MPP7: variants seen among roughly 807,000 people sequenced by gnomAD.
MPP7 encodes the protein MAGUK p55 scaffold protein 7.
In MPP7, 60 loss-of-function variants were observed where a neutral mutation model predicts 76.5. The ratio of observed to expected loss-of-function variants is 0.78; its 90% CI spans 0.64 to 0.97. The LOEUF is 0.97. Among genes scored for constraint, MPP7 ranks in the 50% least tolerant of loss-of-function variants. MPP7 has a pLI of 0.00. For synonymous variants in MPP7, 237 were observed against 244.5 expected (o/e 0.97, Z 0.29); for missense variants, 641 against 694.0 (o/e 0.92, Z 0.86).
chr10:28,054,426 T>C (rs1851473673), intron 16 of MPP7, among the ~76,000 whole-genome samples, 182 bp from the exon 17 acceptor site: 2 of 152,216 alleles, frequency 1.3e-5, no homozygotes. Context: ...TTTCTAATAC[T>C]ATTTCTATGA....
At chr10:28,091,409 TC>T (rs1818479764) in intron 11 of MPP7, among the ~76,000 whole-genome samples, 2 of 151,922 alleles carry the variant, frequency 1.3e-5, no homozygotes, top group South Asian at 4.2e-4. Context: ...TGCCTCAGCT[TC>T]CCGAGTAGCT....
At position 28,296,375 on chromosome 10, in the gene MPP7, TC is replaced by T. The variant is rs150644602; in HGVS notation, c.-132+6485del. On this transcript the variant is annotated intron_variant, in intron 1 of 16. Coordinates refer to ENST00000683449, the MANE Select transcript of MPP7 (RefSeq NM_001318170.2). ...AAGAAACAATTTACTATTGCTCTCC[TC>T]CCCACCCACAGTTCAGTGCAACTGA... 5.8e-3 allele frequency among the ~76,000 whole-genome samples: 883 copies of T among 152,186 alleles called. 16 individuals are homozygous for T. The highest frequency in any genetic ancestry group is 0.02 in the African/African-American group (824 of 41,516).
intron 13 of MPP7, among the ~76,000 whole-genome samples, chr10:28,062,577 CA>C (rs1308184469): frequency 1.3e-4 from 16 of 124,108 alleles, no homozygotes; most frequent in Admixed American, 2.6e-4. Context: ...CACACACACA[CA>C]CACCAAAGGT....
At chr10:28,086,796 T>G (rs1452173602) in intron 12 of MPP7, among the ~76,000 whole-genome samples, 2 of 152,010 alleles carry the variant, frequency 1.3e-5, no homozygotes, top group Non-Finnish European at 2.9e-5. Context: ...ATCCACTATA[T>G]CGGGGAAAGC....
chr10:28,286,355 T>A (rs11006984), intron 1 of MPP7, among the ~76,000 whole-genome samples: 14 of 112,246 alleles, frequency 1.2e-4, no homozygotes, highest in East Asian at 1.4e-3. Context: ...CAAAAAAAAA[T>A]AATAATAAAA....
intron 3 of MPP7, among the ~76,000 whole-genome samples, chr10:28,169,889 C>G (rs144670599): frequency 1.3e-3 from 194 of 152,254 alleles, no homozygotes; most frequent in African/African-American, 4.4e-3. Context: ...AGTTTTGTTT[C>G]TTTCTTTCTA....
At chr10:28,272,785 G>A (rs749884665) in intron 1 of MPP7, among the ~76,000 whole-genome samples, 11 of 152,076 alleles carry the variant, frequency 7.2e-5, no homozygotes, top group Non-Finnish European at 1.5e-4. Flanking sequence ...ACTGATGCCT[G>A]GAGATGTTGG....
At chr10:28,242,709 A>C (rs1216692082) in intron 1 of MPP7, among the ~76,000 whole-genome samples, 1 of 152,202 alleles carries the variant, frequency 6.6e-6, no homozygotes, top group South Asian at 2.1e-4. Context: ...CCAATGGTGA[A>C]AAGCAATGGT....
chr10:28,289,905 G>A (rs1473726302), intron 1 of MPP7, among the ~76,000 whole-genome samples: 2 of 152,130 alleles, frequency 1.3e-5, no homozygotes, highest in African/African-American at 2.4e-5. Flanking sequence ...TGCAACCTCC[G>A]CCTCCCTGGC....
chr10:28,257,573 T>C (rs1839823670), intron 1 of MPP7, among the ~76,000 whole-genome samples: 1 of 117,498 alleles, frequency 8.5e-6, no homozygotes, highest in East Asian at 2.6e-4. Flanking sequence ...GGAAGGGGAA[T>C]ATCACACTCT....
chr10:28,060,058 T>A (rs1851716839), intron 13 of MPP7, among the ~76,000 whole-genome samples: 1 of 152,130 alleles, frequency 6.6e-6, no homozygotes, highest in Non-Finnish European at 1.5e-5. Context: ...ACCTTTTTTT[T>A]TTTTTTGCAA....
chr10:28,211,887 T>C (rs927102226), intron 2 of MPP7, among the ~76,000 whole-genome samples: 5 of 152,046 alleles, frequency 3.3e-5, no homozygotes, highest in Non-Finnish European at 4.4e-5. Flanking sequence ...AGCTTCACTT[T>C]TACTTTAGAG....
chr10:28,294,284 G>C (rs763677914), intron 1 of MPP7, among the ~76,000 whole-genome samples: 14 of 152,152 alleles, frequency 9.2e-5, no homozygotes, highest in Non-Finnish European at 1.8e-4. Flanking sequence ...TCCAGCCTGG[G>C]GGACAGAGCA....
intron 1 of MPP7, among the ~76,000 whole-genome samples, chr10:28,293,670 GGGAGC>G (rs1406357401): frequency 6.6e-6 from 1 of 152,198 alleles, no homozygotes; most frequent in Non-Finnish European, 1.5e-5. Flanking sequence ...GAGCTGGGGA[GGGAGC>G]GGAGCGGGGC....
upstream of MPP7, among the ~76,000 whole-genome samples, chr10:28,303,102 A>AGGGGC (rs1187394696): frequency 3.9e-5 from 6 of 151,984 alleles, no homozygotes; most frequent in Admixed American, 6.5e-5. Context: ...CCGCGGTTGG[A>AGGGGC]GGGGCGGGGC....
At chr10:28,238,466 C>A (rs1264924775) in intron 2 of MPP7, 102 bp downstream of exon 2, 14 of 1,274,972 alleles carry the variant, frequency 1.1e-5, no homozygotes, top group Non-Finnish European at 1.4e-5. Context: ...GACAGAAAAA[C>A]AAGCATGATC....
At chr10:28,256,610 A>C (rs1198318910) in intron 1 of MPP7, among the ~76,000 whole-genome samples, 2 of 143,108 alleles carry the variant, frequency 1.4e-5, no homozygotes, top group Non-Finnish European at 3.0e-5. Context: ...GGGATATAAA[A>C]TTGGACTCGT....
At chr10:28,077,596 T>C (rs1447336494) in intron 12 of MPP7, among the ~76,000 whole-genome samples, 1 of 152,208 alleles carries the variant, frequency 6.6e-6, no homozygotes, top group African/African-American at 2.4e-5. Context: ...GTTGTCTGGT[T>C]TGTATTTGGA....
intron 3 of MPP7, among the ~76,000 whole-genome samples, chr10:28,198,033 G>T (rs886538909): frequency 6.6e-6 from 1 of 152,106 alleles, no homozygotes; most frequent in Non-Finnish European, 1.5e-5. Context: ...ATCATATGAG[G>T]AAAATTATCT....
Sources: allele counts gnomAD v4.1 joint callset (sites outside exome capture counted in the v4.1 genomes callset), GRCh38; gene constraint gnomAD v4.1.1; transcripts MANE v1.5; gene names NCBI Gene and HGNC (gene_info 2026-07-23, HGNC 2026-07-21).